STUM: variants seen among roughly 807,000 people sequenced by gnomAD.
The protein encoded by STUM is protein stum homolog.
STUM carries 8 observed loss-of-function variants against 15.3 expected under a neutral mutation model. The ratio of observed to expected loss-of-function variants is 0.52; its 90% CI spans 0.31 to 0.94. STUM has a LOEUF of 0.94. Ranked by LOEUF, STUM falls within the 40% of genes least tolerant of loss-of-function variation. The pLI, the probability that STUM is intolerant of heterozygous loss-of-function variation, is 0.05. For missense variants in STUM, 142 were observed against 204.9 expected (o/e 0.69, Z 1.87); for synonymous variants, 78 against 88.7 (o/e 0.88, Z 0.68).
At position 226,585,930 on chromosome 1, in the gene STUM, C is replaced by T. The variant is rs113237938; in HGVS notation, c.203-10872C>T. 7.9e-4 allele frequency among the ~76,000 whole-genome samples: 120 copies of T among 152,192 alleles called. No homozygotes were observed. The Middle Eastern group carries it at 0.01, about 13-fold the overall frequency. ...AGCTGGGAAATCTGGGACCAGTATA[C>T]CAGCGTGGTTGGGTTCTGGGAAGGG... On this transcript the variant is annotated intron_variant, in intron 1 of 3. Coordinates refer to ENST00000366788, the MANE Select transcript of STUM (RefSeq NM_001003665.4).
At chr1:226,597,345 A>G in intron 2 of STUM, 2 of 485,218 alleles carry the variant, frequency 4.1e-6, no homozygotes, top group Admixed American at 4.7e-5. Context: ...TAAAACAGAC[A>G]CCACCCATTT....
Position 226,600,695 on chromosome 1 carries a change from G to T in STUM, c.391+21G>T, listed in dbSNP as rs1194335529. 1.2e-6 allele frequency: 2 copies of T among 1,610,022 alleles called. No individual in the cohort carries two copies. The highest frequency in any genetic ancestry group is 1.7e-6 in the Non-Finnish European group (2 of 1,179,994). On this transcript the variant is annotated intron_variant, in intron 3 of 3. Transcript: ENST00000366788. This position sits in a 1 kb window ranked among gnomAD's most constrained non-coding sequence, Gnocchi z 5.2. Reference sequence around the variant, plus strand: ...CCAAGGTGAGTCTGCGGATGGACGTGCGGGCCTCGTGCTGCTGCTTGGGGC... The same window carrying T: ...CCAAGGTGAGTCTGCGGATGGACGTTCGGGCCTCGTGCTGCTGCTTGGGGC...
intron 1 of STUM, among the ~76,000 whole-genome samples, chr1:226,594,605 A>T (rs570228738): frequency 6.6e-6 from 1 of 152,330 alleles, no homozygotes; most frequent in Admixed American, 6.5e-5. Flanking sequence ...CCTGAGAGTT[A>T]TTAGTCAGGG....
intron 1 of STUM, among the ~76,000 whole-genome samples, chr1:226,585,126 T>G (rs1457065096): frequency 1.3e-5 from 2 of 152,230 alleles, no homozygotes; most frequent in Non-Finnish European, 1.5e-5. Context: ...GTGCCTAGCC[T>G]CAGGCTTCAT....
In STUM at chr1:226,600,617, T is replaced by C; in HGVS notation, c.383-49T>C. On this transcript the variant is annotated intron_variant, in intron 2 of 3. Transcript: ENST00000366788. The surrounding 1 kb of genome is among the most constrained non-coding windows in gnomAD (Gnocchi z 5.2). ...TGTTTTCAGGCTGTGTTTTCTCTTC[T>C]TCTCTCTCTCCTCTTCCTCCTGCTG... 6.2e-7 allele frequency: 1 copy of C among 1,608,310 alleles called. No individual in the cohort carries two copies. Among genetic ancestry groups the C allele is most frequent in the Admixed American group, 1.7e-5 (1 of 60,008 alleles).
intron 1 of STUM, among the ~76,000 whole-genome samples, chr1:226,585,934 C>T (rs751408007): frequency 1.6e-4 from 25 of 152,150 alleles, no homozygotes; most frequent in African/African-American, 2.4e-4. Flanking sequence ...AGTATACCAG[C>T]GTGGTTGGGT....
At chr1:226,576,413 A>C (rs1667816119) in intron 1 of STUM, among the ~76,000 whole-genome samples, 1 of 152,200 alleles carries the variant, frequency 6.6e-6, no homozygotes, top group African/African-American at 2.4e-5. Context: ...GCCATGATGA[A>C]ATGAAATTCA....
chr1:226,592,591 G>A (rs761199267), intron 1 of STUM, among the ~76,000 whole-genome samples: 1 of 152,210 alleles, frequency 6.6e-6, no homozygotes, highest in African/African-American at 2.4e-5. Flanking sequence ...CTATAGGTTT[G>A]CAGCAAATGG....
chr1:226,555,327 A>G (rs993824178), intron 1 of STUM, among the ~76,000 whole-genome samples: 1 of 152,156 alleles, frequency 6.6e-6, no homozygotes, highest in Non-Finnish European at 1.5e-5. Flanking sequence ...CTTGAGTCAT[A>G]TATCCAACTG....
At chr1:226,550,427 G>A in intron 1 of STUM, among the ~76,000 whole-genome samples, 1 of 152,222 alleles carries the variant, frequency 6.6e-6, no homozygotes, top group South Asian at 2.1e-4. Flanking sequence ...CCCCCTGGCT[G>A]GTGTCATCAG....
At chr1:226,563,334 G>A (rs1319184582) in intron 1 of STUM, among the ~76,000 whole-genome samples, 2 of 152,132 alleles carry the variant, frequency 1.3e-5, no homozygotes, top group African/African-American at 4.8e-5. Context: ...AAAAAGTCAG[G>A]GCACAAGGTG....
chr1:226,548,971 C>T lies in STUM; in HGVS notation c.67C>T (p.Arg23Trp). 1 of 1,510,484 alleles carries T rather than the reference C, an allele frequency of 6.6e-7. No homozygotes were observed. The highest frequency in any genetic ancestry group is 8.8e-7 in the Non-Finnish European group (1 of 1,131,146). 93.6% of individuals were successfully genotyped at this position (1,510,484 alleles called of 1,614,324 possible). ...AAAAVAAADP[R>W]GASSSSGVVV... ...GGCGGCGGTGGCGGCGGCGGACCCC[C>T]GGGGGGCGTCCTCGTCCAGCGGGGT... Residue 23 changes from arginine to tryptophan, a missense_variant, in exon 1 of 4, where the codon CGG (arginine) becomes TGG (tryptophan). Transcript: ENST00000366788.
rs1571816475 is a variant in STUM, at chr1:226,602,309, A to G, written c.*269A>G. ...GGGGTGGAGATGAGAACGCCCACAG[A>G]GAGGCTGGGATGCTCCGGCAGGCTC... On this transcript the variant is annotated 3_prime_UTR_variant, in exon 4 of 4. Coordinates refer to ENST00000366788, the MANE Select transcript of STUM (RefSeq NM_001003665.4). 2 of 495,564 alleles carry G rather than the reference A, an allele frequency of 4.0e-6. No homozygotes were observed. Among genetic ancestry groups the G allele is most frequent in the Non-Finnish European group, 7.3e-6 (2 of 273,886 alleles). The allele number at this position is 495,564 out of a possible 1,614,324, so 30.7% of individuals were successfully genotyped here. A position where few individuals can be genotyped will look rare whatever the true frequency, so the allele number is the denominator to read the frequency against.
intron 1 of STUM, among the ~76,000 whole-genome samples, chr1:226,556,957 C>T (rs894030053): frequency 6.6e-6 from 1 of 152,172 alleles, no homozygotes; most frequent in African/African-American, 2.4e-5. Context: ...TCCATCATCT[C>T]AAATACTTAA....
Position 226,606,509 on chromosome 1 carries a change from G to T in STUM, c.*4469G>T, listed in dbSNP as rs1668360037. 1 of 152,222 alleles carries T rather than the reference G, an allele frequency of 6.6e-6. No individual in the cohort carries two copies. Among genetic ancestry groups the T allele is most frequent in the African/African-American group, 2.4e-5 (1 of 41,446 alleles). The allele number at this position is 152,222 out of a possible 1,614,324, so 9.4% of individuals were successfully genotyped here. A position where few individuals can be genotyped will look rare whatever the true frequency, so the allele number is the denominator to read the frequency against. On this transcript the variant is annotated 3_prime_UTR_variant, in exon 4 of 4. Coordinates refer to ENST00000366788, the MANE Select transcript of STUM (RefSeq NM_001003665.4). ...GCCCTGAGCATTGCATAAATGCTTGGGGGCGTGTCATTTAAATGGAAGTTC... is the reference window on the plus strand; with the variant it reads ...GCCCTGAGCATTGCATAAATGCTTGTGGGCGTGTCATTTAAATGGAAGTTC...
At chr1:226,573,383 C>T (rs553127680) in intron 1 of STUM, among the ~76,000 whole-genome samples, 1 of 152,180 alleles carries the variant, frequency 6.6e-6, no homozygotes, top group Non-Finnish European at 1.5e-5. Flanking sequence ...AAAACCAACT[C>T]AAGCTGGTTT....
intron 1 of STUM, among the ~76,000 whole-genome samples, chr1:226,580,443 T>C (rs997326241): frequency 1.3e-5 from 2 of 151,882 alleles, no homozygotes; most frequent in Non-Finnish European, 2.9e-5. Context: ...GGCTGTGTGC[T>C]GGGGAGAGGA....
intron 1 of STUM, among the ~76,000 whole-genome samples, chr1:226,558,645 G>A (rs770816810): frequency 4.6e-5 from 7 of 152,218 alleles, no homozygotes; most frequent in Non-Finnish European, 7.3e-5. Context: ...AAAAGGCTGT[G>A]GGGAACATCA....
chr1:226,548,973 G>C lies in STUM; in HGVS notation c.69G>C (p.Arg23=). The C allele has an allele frequency of 6.6e-7, 1 of 1,514,446 alleles. No individual in the cohort carries two copies. 93.8% of individuals were successfully genotyped at this position (1,514,446 alleles called of 1,614,324 possible). The change falls in exon 1 of 4, where the codon CGG becomes CGC. Residue 23 remains arginine (R), a synonymous_variant. Coordinates refer to ENST00000366788, the MANE Select transcript of STUM (RefSeq NM_001003665.4). ...CGGCGGTGGCGGCGGCGGACCCCCGGGGGGCGTCCTCGTCCAGCGGGGTGG... is the reference window on the plus strand; with the variant it reads ...CGGCGGTGGCGGCGGCGGACCCCCGCGGGGCGTCCTCGTCCAGCGGGGTGG... ...AAAAVAAADP[R]GASSSSGVVV... is the part of the protein sequence containing the mutation.
Sources: gnomAD v4.1 joint callset for allele counts (sites outside exome capture counted in the v4.1 genomes callset) on GRCh38, gnomAD v4.1.1 for gene constraint, Gnocchi (gnomAD v3.1) non-coding constraint, MANE v1.5 for transcripts, NCBI Gene and HGNC (gene_info 2026-07-23, HGNC 2026-07-21) for gene names.